MUC17: variants seen among roughly 807,000 people sequenced by gnomAD.
MUC17 encodes mucin 17, cell surface associated, also known as mucin-17.
In MUC17, 190 loss-of-function variants were observed where a neutral mutation model predicts 170.3. The observed-to-expected ratio is 1.12, with a 90% CI of 0.99 to 1.26. MUC17 has a LOEUF of 1.26. Among genes scored for constraint, MUC17 ranks in the 50% most tolerant of loss-of-function variants. The pLI is 0.00. For synonymous variants in MUC17, 2,325 were observed against 2,002.5 expected (o/e 1.16, Z -4.30); for missense variants, 6,415 against 5,530.0 (o/e 1.16, Z -5.08).
Position 101,051,557 on chromosome 7 carries a change from A to G in MUC17, c.12875-56A>G. 1.9e-6 allele frequency: 3 copies of G among 1,568,912 alleles called. No homozygotes were observed. The South Asian group carries it at 3.4e-5, about 18-fold the overall frequency. ...CACACACACACGTCTCAGCTCCCTG[A>G]GGACGCAGAACAAGCGTGTATGTGT... On this transcript the variant is annotated intron_variant, in intron 7 of 12. Transcript: ENST00000306151.
chr7:101,047,992 G>A lies in MUC17; in HGVS notation c.12412G>A (p.Asp4138Asn), dbSNP rs1300991724. ...TVPRTTTCFG[D>N]GCQNTASRCK... ...CTGTGATTGTTCCACAGGCTTTGGA[G>A]ATGGGTGCCAGAATACGGCCTCTCG... Residue 4138 changes from aspartate to asparagine, a missense_variant, in exon 4 of 13, where the codon GAT becomes AAT. Transcript: ENST00000306151. 6.3e-7 allele frequency: 1 copy of A among 1,595,132 alleles called. No individual in the cohort carries two copies. Among genetic ancestry groups the A allele is most frequent in the Non-Finnish European group, 8.5e-7 (1 of 1,172,812 alleles).
intron 1 of MUC17, among the ~76,000 whole-genome samples, chr7:101,029,592 T>TTTATTA (rs575617172): frequency 2.5e-3 from 379 of 151,738 alleles, no homozygotes; most frequent in African/African-American, 8.5e-3. Flanking sequence ...TTTTAATTAA[T>TTTATTA]TTATTATTAT....
chr7:101,028,012 A>T (rs924808143), intron 1 of MUC17, among the ~76,000 whole-genome samples: 12 of 149,620 alleles, frequency 8.0e-5, no homozygotes, highest in African/African-American at 3.0e-4. Flanking sequence ...GGCTCAAGTG[A>T]TCTGCCTGTC....
At position 101,053,003 on chromosome 7, in the gene MUC17, C is replaced by T. The variant is rs1562824320; in HGVS notation, c.13121C>T (p.Thr4374Ile). Residue 4374 changes from threonine to isoleucine, a missense_variant, in exon 10 of 13, where the codon ACT becomes ATT. Transcript: ENST00000306151. Reference sequence around the variant, plus strand: ...CATCTCAGCTGCGTGACCACGGAAACTCACTGGTACAGTGGGGAGACCTGT... The same window carrying T: ...CATCTCAGCTGCGTGACCACGGAAATTCACTGGTACAGTGGGGAGACCTGT... ...GPQCLCVTTE[T>I]HWYSGETCNQ... 3 of 1,613,150 alleles carry T rather than the reference C, an allele frequency of 1.9e-6. No individual in the cohort carries two copies. Among genetic ancestry groups the T allele is most frequent in the South Asian group, 2.2e-5 (2 of 90,926 alleles).
rs1412135218 is a variant in MUC17, at chr7:101,042,537, C to T, written c.11121C>T (p.Thr3707=). The change falls in exon 3 of 13, where the codon ACC becomes ACT. Residue 3707 remains threonine, a synonymous_variant. Coordinates refer to ENST00000306151, the MANE Select transcript of MUC17 (RefSeq NM_001040105.2). ...TGCCTGTCAGCACCACACGTGTGAC[C>T]AGCTCTGAGGGTAGCACCCTTTCAA... The part of the protein sequence containing the change: ...TTMPVSTTRV[T]SSEGSTLSTP... 6.2e-7 allele frequency: 1 copy of T among 1,613,896 alleles called. No individual in the cohort carries two copies. Among genetic ancestry groups the T allele is most frequent in the Non-Finnish European group, 8.5e-7 (1 of 1,179,970 alleles).
chr7:101,057,871 C>A, intron 12 of MUC17, 132 bp from the exon 13 acceptor site: 3 of 706,996 alleles, frequency 4.2e-6, no homozygotes, highest in South Asian at 4.5e-5. Context: ...CAGAGTAAGA[C>A]CCTGTCTCAA....
Position 101,040,965 on chromosome 7 carries a change from C to A in MUC17, c.9549C>A (p.Thr3183=), listed in dbSNP as rs750778755. Residue 3183 remains threonine, a synonymous_variant, in exon 3 of 13, where the codon ACC becomes ACA. Transcript: ENST00000306151. ...TMLVVSSEDS[T]LSATPVDTST... ...TGGTAGTCAGTTCTGAGGATAGCAC[C>A]CTTTCAGCAACTCCTGTTGACACCA... 1 of 1,613,200 alleles carries A rather than the reference C, an allele frequency of 6.2e-7. No homozygotes were observed. The highest frequency in any genetic ancestry group is 1.3e-5 in the African/African-American group (1 of 74,618).
At position 101,034,069 on chromosome 7, in the gene MUC17, C is replaced by CTTTCAACAA; in HGVS notation, c.2654_2662dup (p.Thr887_Thr888insIleSerThr). On this transcript the variant is annotated inframe_insertion, in exon 3 of 13. Transcript: ENST00000306151. ...GGTGGCCACTTCTGCAATCAGCACC[C>CTTTCAACAA]TTTCAACAACTCCTGTTGACACCAG... is the stretch of plus-strand genomic sequence containing the variant. 6.2e-7 allele frequency: 1 copy of CTTTCAACAA among 1,607,602 alleles called. No homozygotes were observed. Among genetic ancestry groups the CTTTCAACAA allele is most frequent in the South Asian group, 1.1e-5 (1 of 89,678 alleles).
In MUC17 at chr7:101,036,532, G is replaced by T. The variant is rs1794485403; in HGVS notation, c.5116G>T (p.Ala1706Ser). 8 of 1,610,650 alleles carry T rather than the reference G, an allele frequency of 5.0e-6. No individual in the cohort carries two copies. The highest frequency in any genetic ancestry group is 6.8e-6 in the Non-Finnish European group (8 of 1,178,034). The change falls in exon 3 of 13, where the codon GCA (alanine) becomes TCA (serine). Residue 1706 changes from alanine to serine, a missense_variant. Physicochemically the swap from Ala to Ser is moderately conservative, Grantham distance 99. Coordinates refer to ENST00000306151, the MANE Select transcript of MUC17 (RefSeq NM_001040105.2). ...TVRTTPVASS[A>S]ISTLSTTPVD... ...CAGAACAACACCGGTGGCCAGCTCT[G>T]CAATCAGCACCCTTTCAACAACTCC... is the stretch of plus-strand genomic sequence containing the variant.
In MUC17 at chr7:101,041,114, C is replaced by T. The variant is rs201766687; in HGVS notation, c.9698C>T (p.Pro3233Leu). ...PLTSVPVSNT[P>L]VASSEASILS... ...ACTAGTGTACCTGTCAGCAACACGC[C>T]GGTGGCCAGTTCTGAGGCTAGCATC... Residue 3233 changes from proline (P) to leucine (L), a missense_variant, in exon 3 of 13, where the codon CCG becomes CTG. Coordinates refer to ENST00000306151, the MANE Select transcript of MUC17 (RefSeq NM_001040105.2). The T allele has an allele frequency of 2.6e-5, 42 of 1,613,570 alleles. No individual in the cohort carries two copies. Among genetic ancestry groups the T allele is most frequent in the South Asian group, 9.9e-5 (9 of 91,032 alleles).
chr7:101,041,454 T>G lies in MUC17; in HGVS notation c.10038T>G (p.Ser3346=). 1 of 1,614,038 alleles carries G rather than the reference T, an allele frequency of 6.2e-7. No homozygotes were observed. Among genetic ancestry groups the G allele is most frequent in the Non-Finnish European group, 8.5e-7 (1 of 1,180,012 alleles). The part of the protein sequence containing the change: ...SEGSTPLTNM[S]FSTTPVVSSE... The stretch of plus-strand genomic sequence containing the variant: ...GAAGCACTCCACTAACAAATATGTC[T>G]TTCAGCACCACGCCAGTGGTCAGTT... The change falls in exon 3 of 13, where the codon TCT becomes TCG. Residue 3346 remains serine, a synonymous_variant. Coordinates refer to ENST00000306151, the MANE Select transcript of MUC17 (RefSeq NM_001040105.2).
Position 101,037,702 on chromosome 7 carries a change from G to T in MUC17, c.6286G>T (p.Ala2096Ser), listed in dbSNP as rs28593004. Residue 2096 changes from alanine (A) to serine (S), a missense_variant, in exon 3 of 13, where the codon GCT (alanine) becomes TCT (serine). Ala to Ser is a moderately conservative substitution (Grantham distance 99, BLOSUM62 1). Transcript: ENST00000306151. ...TAEGSSMTIS[A>S]PSEGSPLLTS... ...TGAAGGTAGCAGCATGACAATCTCA[G>T]CTCCTAGTGAAGGAAGTCCTCTACT... 6.2e-7 allele frequency: 1 copy of T among 1,612,798 alleles called. No homozygotes were observed. The highest frequency in any genetic ancestry group is 1.7e-5 in the Admixed American group (1 of 59,844).
rs74974199 is a variant in MUC17, at chr7:101,043,210, G to C, written c.11794G>C (p.Gly3932Arg). The C allele has an allele frequency of 6.3e-3, 10,234 of 1,614,098 alleles. 618 individuals carry two copies. In the East Asian group the frequency reaches 0.15, roughly 24 times the overall value. The stretch of plus-strand genomic sequence containing the variant: ...CATATCTGTATCAGTGATCACAGAA[G>C]GAAGCACACCTGGGACAACCATTTT... ...TTISVSVITE[G>R]STPGTTIFIP... Residue 3932 changes from glycine to arginine, a missense_variant, in exon 3 of 13, where the codon GGA (glycine) becomes CGA (arginine). Physicochemically the swap from Gly to Arg is moderately radical, Grantham distance 125 (BLOSUM62 -2). Coordinates refer to ENST00000306151, the MANE Select transcript of MUC17 (RefSeq NM_001040105.2).
Position 101,043,588 on chromosome 7 carries a change from AC to A in MUC17, c.12173del (p.Thr4058IlefsTer27), listed in dbSNP as rs757601229. 5 of 1,613,996 alleles carry A rather than the reference AC, an allele frequency of 3.1e-6. No homozygotes were observed. In the South Asian group the frequency reaches 5.5e-5, roughly 18 times the overall value. Reference sequence around the variant, plus strand: ...AGAATCCAGCAGGCCGTCAACAATTACTTCTCACACCATCCCACCTACATTT... The same window carrying A: ...AGAATCCAGCAGGCCGTCAACAATTATTCTCACACCATCCCACCTACATTT... The part of the protein sequence containing the change: ...SSESSRPSTI[T>X]SHTIPPTFPP... On this transcript the variant is annotated frameshift_variant, in exon 3 of 13. Coordinates refer to ENST00000306151, the MANE Select transcript of MUC17 (RefSeq NM_001040105.2). LOFTEE classifies it high-confidence loss of function.
chr7:101,020,398 GA>G (rs1276913418), intron 1 of MUC17, among the ~76,000 whole-genome samples, 181 bp downstream of exon 1: 1 of 152,148 alleles, frequency 6.6e-6, no homozygotes, highest in Non-Finnish European at 1.5e-5. Flanking sequence ...AGCTTTGGGG[GA>G]AGAGCCAGGG....
At position 101,033,888 on chromosome 7, in the gene MUC17, C is replaced by T. The variant is rs1201602304; in HGVS notation, c.2472C>T (p.Ser824=). 1 of 1,613,396 alleles carries T rather than the reference C, an allele frequency of 6.2e-7. No homozygotes were observed. The highest frequency in any genetic ancestry group is 1.1e-5 in the South Asian group (1 of 90,994). ...CACCGGTGACCAGTCCTGAGGCTAG[C>T]ACCCTTTCAACAACTCCTGTTGACT... ...SITPVTSPEA[S]TLSTTPVDSN... is the part of the protein sequence containing the mutation. Residue 824 remains serine, a synonymous_variant, in exon 3 of 13, where the codon AGC becomes AGT. Coordinates refer to ENST00000306151, the MANE Select transcript of MUC17 (RefSeq NM_001040105.2).
In MUC17 at chr7:101,039,455, G is replaced by A. The variant is rs561121980; in HGVS notation, c.8039G>A (p.Ser2680Asn). Residue 2680 changes from serine (S) to asparagine (N), a missense_variant, in exon 3 of 13, where the codon AGC (serine) becomes AAC (asparagine). Physicochemically the swap from Ser to Asn is conservative, Grantham distance 46. Transcript: ENST00000306151. ...TCATCTCCTACAACTGCTGAAGGTA[G>A]CAGCATGCCAACCTCAACTCCTGGT... is the stretch of plus-strand genomic sequence containing the variant. ...TSSSPTTAEGSSMPTSTPGER... is the reference protein window; with the variant it reads ...TSSSPTTAEGNSMPTSTPGER... 1 of 1,602,944 alleles carries A rather than the reference G, an allele frequency of 6.2e-7. No homozygotes were observed. Among genetic ancestry groups the A allele is most frequent in the Non-Finnish European group, 8.5e-7 (1 of 1,176,040 alleles).
chr7:101,052,016 C>A, intron 9 of MUC17, 54 bp downstream of exon 9: 1 of 1,569,230 alleles, frequency 6.4e-7, no homozygotes, highest in Non-Finnish European at 8.7e-7. Context: ...GTCCTCCCCT[C>A]CCCTGCAGGG....
intron 1 of MUC17, among the ~76,000 whole-genome samples, chr7:101,020,922 C>T (rs1326888846): frequency 6.6e-6 from 1 of 152,148 alleles, no homozygotes; most frequent in Non-Finnish European, 1.5e-5. Context: ...CTGGGAGCTC[C>T]CTCTGCCCCT....
Sources: gnomAD v4.1 joint callset for allele counts (sites outside exome capture counted in the v4.1 genomes callset) on GRCh38, gnomAD v4.1.1 for gene constraint, MANE v1.5 for transcripts, NCBI Gene and HGNC (gene_info 2026-07-23, HGNC 2026-07-21) for gene names.